KIF16B: variants seen among roughly 807,000 people sequenced by gnomAD.
KIF16B encodes kinesin family member 16B.
A neutral mutation model predicts 156.3 loss-of-function variants in KIF16B; 98 were observed. The observed-to-expected ratio is 0.63, with a 90% confidence interval of 0.53 to 0.74. The LOEUF is 0.74. KIF16B is among the 30% of genes least tolerant of loss of function. KIF16B has a pLI of 0.00. For synonymous variants in KIF16B, 564 were observed against 583.7 expected (o/e 0.97, Z 0.49); for missense variants, 1,421 against 1,606.5 (o/e 0.88, Z 1.97).
intron 12 of KIF16B, among the ~76,000 whole-genome samples, chr20:16,491,639 GC>G (rs2068294559): frequency 6.6e-6 from 1 of 152,310 alleles, no homozygotes; most frequent in African/African-American, 2.4e-5. Context: ...ATGGATGAGT[GC>G]CATGACCCAG....
intron 24 of KIF16B, among the ~76,000 whole-genome samples, chr20:16,331,104 G>C (rs1287168437): frequency 6.6e-6 from 1 of 152,226 alleles, no homozygotes; most frequent in Non-Finnish European, 1.5e-5. Context: ...GGAGTTGTGA[G>C]TCTGAATGCA....
intron 24 of KIF16B, among the ~76,000 whole-genome samples, chr20:16,332,165 A>G (rs992847433): frequency 2.0e-5 from 3 of 152,154 alleles, no homozygotes. Context: ...TTAGAAACAG[A>G]AAGTAGAGTG....
chr20:16,369,066 G>A (rs1353438356), intron 22 of KIF16B: 2 of 985,728 alleles, frequency 2.0e-6, no homozygotes, highest in Non-Finnish European at 2.4e-6. Context: ...CGGGTACTGA[G>A]GACTGATCCC....
At chr20:16,445,373 T>C (rs996545430) in intron 12 of KIF16B, among the ~76,000 whole-genome samples, 1 of 152,072 alleles carries the variant, frequency 6.6e-6, no homozygotes, top group Non-Finnish European at 1.5e-5. Flanking sequence ...TATACATCTA[T>C]ATTTATTCAT....
chr20:16,460,698 C>T (rs1332841390), intron 12 of KIF16B, among the ~76,000 whole-genome samples: 1 of 151,498 alleles, frequency 6.6e-6, no homozygotes, highest in African/African-American at 2.4e-5. Context: ...AATGGAGGAA[C>T]CAATGGTCAA....
At chr20:16,515,723 C>A in intron 3 of KIF16B, 59 bp from the exon 4 acceptor site, 1 of 894,966 alleles carries the variant, frequency 1.1e-6, no homozygotes, top group Admixed American at 1.8e-5. Flanking sequence ...ATAATAGCCC[C>A]TTCAGTGTTG....
At chr20:16,354,810 G>C (rs964646510) in intron 23 of KIF16B, among the ~76,000 whole-genome samples, 2 of 152,136 alleles carry the variant, frequency 1.3e-5, no homozygotes, top group African/African-American at 4.8e-5. Context: ...GCCGGACGTG[G>C]TGGCACATGC....
At chr20:16,390,039 T>C (rs960219540) in intron 17 of KIF16B, among the ~76,000 whole-genome samples, 1 of 152,154 alleles carries the variant, frequency 6.6e-6, no homozygotes, top group Non-Finnish European at 1.5e-5. Flanking sequence ...TGTATCAAGA[T>C]GGGGGTGGGA....
intron 22 of KIF16B, among the ~76,000 whole-genome samples, chr20:16,361,723 A>G (rs1366927286): frequency 6.6e-6 from 1 of 152,240 alleles, no homozygotes; most frequent in Non-Finnish European, 1.5e-5. Flanking sequence ...AAACTGTTGG[A>G]CATTGGTACT....
At chr20:16,514,592 A>C (rs1190097173) in intron 4 of KIF16B, among the ~76,000 whole-genome samples, 2 of 149,646 alleles carry the variant, frequency 1.3e-5, no homozygotes, top group Non-Finnish European at 1.5e-5. Context: ...GAAAAAAAAA[A>C]AAAAAAAAAA....
chr20:16,337,138 C>T (rs1215072198), intron 23 of KIF16B, among the ~76,000 whole-genome samples: 1 of 152,212 alleles, frequency 6.6e-6, no homozygotes, highest in African/African-American at 2.4e-5. Flanking sequence ...GTCTTCACTC[C>T]TGCTGCATCC....
At chr20:16,276,168 C>T (rs2063058556) in intron 25 of KIF16B, among the ~76,000 whole-genome samples, 1 of 152,054 alleles carries the variant, frequency 6.6e-6, no homozygotes, top group Non-Finnish European at 1.5e-5. Flanking sequence ...GACTGGAAGG[C>T]AATTTAAATC....
At chr20:16,501,185 G>A (rs1382537966) in intron 10 of KIF16B, among the ~76,000 whole-genome samples, 1 of 152,092 alleles carries the variant, frequency 6.6e-6, no homozygotes, top group Non-Finnish European at 1.5e-5. Context: ...ATTATCAAGT[G>A]TTGCAATACC....
At chr20:16,393,503 C>A (rs1003755355) in intron 17 of KIF16B, among the ~76,000 whole-genome samples, 1 of 152,150 alleles carries the variant, frequency 6.6e-6, no homozygotes, top group Non-Finnish European at 1.5e-5. Flanking sequence ...CCAGCCATTG[C>A]AGGTTAAGAG....
intron 1 of KIF16B, among the ~76,000 whole-genome samples, chr20:16,558,977 T>C (rs1033769719): frequency 6.6e-6 from 1 of 151,502 alleles, no homozygotes; most frequent in African/African-American, 2.4e-5. Flanking sequence ...CAGCCTATTA[T>C]CTCCCTGATT....
rs1025667290 is a variant in KIF16B at position 16,345,115 on chromosome 20, C to T, written c.3622-9100G>A. ...TCTGCACTCACTGAAATCCACCCAT[C>T]GGTCTCAAGCAAGCAAAAATGTACA... On this transcript the variant is annotated intron_variant, in intron 23 of 25. Transcript: ENST00000354981. Among the ~76,000 whole-genome samples, 11 of 152,292 alleles carry T rather than the reference C, an allele frequency of 7.2e-5. No individual in the cohort carries two copies. The East Asian group carries it at 7.7e-4, about 11-fold the overall frequency.
intron 1 of KIF16B, among the ~76,000 whole-genome samples, chr20:16,555,541 A>C (rs1457911603): frequency 6.6e-6 from 1 of 152,250 alleles, no homozygotes; most frequent in East Asian, 1.9e-4. Context: ...GGAAAAGCTC[A>C]TAAAAGGAAA....
intron 14 of KIF16B, among the ~76,000 whole-genome samples, chr20:16,428,667 T>C (rs148961013): frequency 7.8e-4 from 118 of 152,242 alleles, no homozygotes; most frequent in African/African-American, 2.8e-3. Flanking sequence ...TTTAAGTAAC[T>C]GTGTTCCTCA....
At chr20:16,553,017 C>T (rs1338621366) in intron 1 of KIF16B, among the ~76,000 whole-genome samples, 1 of 152,074 alleles carries the variant, frequency 6.6e-6, no homozygotes, top group Non-Finnish European at 1.5e-5. Flanking sequence ...CCACCCACCT[C>T]GGCCTCCCAA....
Sources: allele counts gnomAD v4.1 joint callset (sites outside exome capture counted in the v4.1 genomes callset), GRCh38; gene constraint gnomAD v4.1.1; transcripts MANE v1.5; gene names NCBI Gene and HGNC (gene_info 2026-07-23, HGNC 2026-07-21).